Variants in ABI1 observed in about 807,000 individuals in gnomAD.
ABI1 encodes Abelson interactor 1.
A neutral mutation model predicts 54.6 loss-of-function variants in ABI1; 14 were observed. The ratio of observed to expected loss-of-function variants is 0.26; its 90% CI spans 0.17 to 0.40. The LOEUF (loss-of-function observed/expected upper bound fraction) is 0.40, where lower values mean the gene tolerates loss of function less well. ABI1 is among the 10% of genes least tolerant of loss of function. The pLI is 1.00. For missense variants in ABI1, 443 were observed against 598.3 expected (o/e 0.74, Z 2.71); for synonymous variants, 194 against 209.3 (o/e 0.93, Z 0.63).
chr10:26,816,739 G>C (rs192867033), intron 2 of ABI1, among the ~76,000 whole-genome samples: 3 of 152,110 alleles, frequency 2.0e-5, no homozygotes, highest in Admixed American at 2.0e-4. Context: ...AACAAAAAGA[G>C]AGATTTTAAT....
At chr10:26,793,637 T>C (rs1843745793) in intron 2 of ABI1, among the ~76,000 whole-genome samples, 1 of 152,230 alleles carries the variant, frequency 6.6e-6, no homozygotes, top group Non-Finnish European at 1.5e-5. Context: ...AAATACTCTA[T>C]GTGGTAATTA....
intron 2 of ABI1, among the ~76,000 whole-genome samples, chr10:26,818,076 T>C (rs1282874847): frequency 2.1e-5 from 3 of 139,848 alleles, no homozygotes; most frequent in Non-Finnish European, 4.6e-5. Flanking sequence ...GGAGGATGGC[T>C]TGAACCCAGG....
chr10:26,791,086 A>C (rs1387077768), intron 2 of ABI1, among the ~76,000 whole-genome samples: 4 of 151,656 alleles, frequency 2.6e-5, no homozygotes, highest in East Asian at 3.9e-4. Flanking sequence ...AAAAAAAAAA[A>C]AAAAACAGAG....
intron 2 of ABI1, among the ~76,000 whole-genome samples, chr10:26,794,089 T>C (rs1843808274): frequency 6.6e-6 from 1 of 151,742 alleles, no homozygotes; most frequent in African/African-American, 2.4e-5. Context: ...CCAAAAAATA[T>C]AAAAATTAGC....
At chr10:26,818,789 A>G (rs2047768240) in intron 2 of ABI1, among the ~76,000 whole-genome samples, 1 of 152,116 alleles carries the variant, frequency 6.6e-6, no homozygotes, top group South Asian at 2.1e-4. Context: ...CAGGGGTTCA[A>G]GACCAACCTG....
intron 1 of ABI1, among the ~76,000 whole-genome samples, chr10:26,858,065 C>T (rs748393739): frequency 8.5e-5 from 13 of 152,088 alleles, no homozygotes; most frequent in Non-Finnish European, 1.9e-4. Context: ...TGTAGAAAAA[C>T]GAAATGAAAA....
At position 26,770,327 on chromosome 10, in the gene ABI1, C is replaced by T. The variant is rs1258160660; in HGVS notation, c.496G>A (p.Ala166Thr). Residue 166 changes from alanine (A) to threonine (T), a missense_variant, in exon 5 of 11, where the codon GCA becomes ACA. By Grantham distance (58) the Ala-to-Thr change is moderately conservative. This residue lies in a region of ABI1 where 394 missense variants were observed against 484.8 expected (regional missense o/e 0.81). Coordinates refer to ENST00000376140, the MANE Select transcript of ABI1 (RefSeq NM_001012750.3). ...GTTCTCGACAGTGTGCCAGTTCTTG[C>T]AGGCTGGTTATTTCCATGCTAAAAT... ...LKAKHGNNQPARTGTLSRTNP... is the reference protein window; with the variant it reads ...LKAKHGNNQPTRTGTLSRTNP... The T allele has an allele frequency of 6.2e-7, 1 of 1,613,986 alleles. No homozygotes were observed.
At chr10:26,814,854 G>A (rs892858279) in intron 2 of ABI1, among the ~76,000 whole-genome samples, 1 of 152,048 alleles carries the variant, frequency 6.6e-6, no homozygotes. Context: ...AATAATTAAG[G>A]TTTAGTTTAT....
At chr10:26,791,727 A>G (rs1214020404) in intron 2 of ABI1, among the ~76,000 whole-genome samples, 2 of 152,210 alleles carry the variant, frequency 1.3e-5, no homozygotes, top group African/African-American at 4.8e-5. Flanking sequence ...GAAACTTGGT[A>G]TCTTACAGTG....
chr10:26,829,318 G>A (rs2048515267), intron 1 of ABI1, among the ~76,000 whole-genome samples: 1 of 151,188 alleles, frequency 6.6e-6, no homozygotes, highest in African/African-American at 2.4e-5. Context: ...TAAGAATAAA[G>A]ACTGTCTAGC....
intron 2 of ABI1, among the ~76,000 whole-genome samples, chr10:26,805,134 A>C (rs1440162316): frequency 6.6e-6 from 1 of 152,234 alleles, no homozygotes. Flanking sequence ...CTGTGTCTGC[A>C]ACACTTCAAG....
intron 2 of ABI1, among the ~76,000 whole-genome samples, chr10:26,800,063 T>C (rs1299784221): frequency 6.6e-6 from 1 of 151,154 alleles, no homozygotes; most frequent in Non-Finnish European, 1.5e-5. Flanking sequence ...AGGAAACTAC[T>C]GCCTTCAAAA....
chr10:26,848,036 A>C (rs1252407381), intron 1 of ABI1, among the ~76,000 whole-genome samples: 1 of 151,792 alleles, frequency 6.6e-6, no homozygotes, highest in Non-Finnish European at 1.5e-5. Flanking sequence ...TGTCTCTATA[A>C]AAAATACCCA....
At chr10:26,788,769 G>T (rs1022951066) in intron 2 of ABI1, among the ~76,000 whole-genome samples, 4 of 151,968 alleles carry the variant, frequency 2.6e-5, no homozygotes, top group African/African-American at 9.7e-5. Flanking sequence ...AAAATTAGCT[G>T]GGCGTGGTTG....
At chr10:26,795,943 C>T (rs11015291) in intron 2 of ABI1, among the ~76,000 whole-genome samples, 9,370 of 152,052 alleles carry the variant, frequency 0.062, 429 homozygotes, top group East Asian at 0.19. Context: ...CAAGGCAATA[C>T]GGAGAAACTC....
At chr10:26,811,971 G>T (rs748142348) in intron 2 of ABI1, among the ~76,000 whole-genome samples, 2 of 152,072 alleles carry the variant, frequency 1.3e-5, no homozygotes, top group African/African-American at 2.4e-5. Flanking sequence ...GGCTCAGGAG[G>T]GGGTGTTCAC....
At chr10:26,793,458 C>T (rs968793669) in intron 2 of ABI1, among the ~76,000 whole-genome samples, 1 of 152,146 alleles carries the variant, frequency 6.6e-6, no homozygotes, top group Non-Finnish European at 1.5e-5. Flanking sequence ...CAAAATCAGA[C>T]TCTGGTGGAA....
intron 2 of ABI1, among the ~76,000 whole-genome samples, chr10:26,790,355 G>A (rs7099959): frequency 0.015 from 2,270 of 152,046 alleles, 44 homozygotes; most frequent in African/African-American, 0.046. Flanking sequence ...AGCTCATTGT[G>A]GTTTTTATTT....
At chr10:26,856,530 C>T (rs138345752) in intron 1 of ABI1, among the ~76,000 whole-genome samples, 34 of 147,218 alleles carry the variant, frequency 2.3e-4, no homozygotes, top group African/African-American at 6.5e-4. Flanking sequence ...CTACTCCAAA[C>T]GGATCCTGCT....
Sources: allele counts gnomAD v4.1 joint callset (sites outside exome capture counted in the v4.1 genomes callset), GRCh38; gene constraint gnomAD v4.1.1; regional missense constraint gnomAD v4.1.1; transcripts MANE v1.5; gene names NCBI Gene and HGNC (gene_info 2026-07-23, HGNC 2026-07-21).